RAPGEF5: variants seen among roughly 807,000 people sequenced by gnomAD.
RAPGEF5 encodes the protein M-Ras-regulated GEF.
A neutral mutation model predicts 125.2 loss-of-function variants in RAPGEF5; 65 were observed. The ratio of observed to expected loss-of-function variants is 0.52; its 90% confidence interval spans 0.43 to 0.64. RAPGEF5 has a LOEUF of 0.64. Ranked by LOEUF, RAPGEF5 falls within the 30% of genes least tolerant of loss-of-function variation. The pLI is 0.00. For synonymous variants in RAPGEF5, 391 were observed against 385.9 expected (o/e 1.01, Z -0.16); for missense variants, 958 against 1,048.1 (o/e 0.91, Z 1.19).
At chr7:22,317,847 A>T in intron 2 of RAPGEF5, 140 bp downstream of exon 2, 1 of 1,103,870 alleles carries the variant, frequency 9.1e-7, no homozygotes, top group Non-Finnish European at 1.3e-6. Context: ...CCAGGTGGTG[A>T]AGATAATGTG....
intron 25 of RAPGEF5, among the ~76,000 whole-genome samples, chr7:22,124,248 C>T (rs1300095626): frequency 6.6e-6 from 1 of 152,106 alleles, no homozygotes; most frequent in Non-Finnish European, 1.5e-5. Context: ...TAGCTGAATC[C>T]CCAGTAAACA....
chr7:22,355,275 C>T (rs1784400505), intron 1 of RAPGEF5, among the ~76,000 whole-genome samples: 1 of 152,190 alleles, frequency 6.6e-6, no homozygotes, highest in African/African-American at 2.4e-5. Flanking sequence ...ACGACACCCT[C>T]CCAGGCAGCA....
intron 1 of RAPGEF5, among the ~76,000 whole-genome samples, chr7:22,336,075 C>G (rs1583587832): frequency 6.6e-6 from 1 of 152,152 alleles, no homozygotes; most frequent in African/African-American, 2.4e-5. Context: ...ACTTCTTATT[C>G]CCAATGCCTC....
chr7:22,160,369 T>A (rs1394778089), intron 14 of RAPGEF5, 149 bp downstream of exon 14: 2 of 679,912 alleles, frequency 2.9e-6, no homozygotes, highest in Non-Finnish European at 4.7e-6. Flanking sequence ...GAACAAAACA[T>A]ACAATTTACT....
intron 6 of RAPGEF5, among the ~76,000 whole-genome samples, chr7:22,276,017 A>C (rs1026058097): frequency 1.4e-4 from 21 of 152,230 alleles, no homozygotes; most frequent in African/African-American, 4.8e-4. Flanking sequence ...CTGCTCTTAC[A>C]ACCTCTGATT....
intron 24 of RAPGEF5, among the ~76,000 whole-genome samples, chr7:22,127,991 C>A (rs1782801318): frequency 6.6e-6 from 1 of 152,162 alleles, no homozygotes; most frequent in South Asian, 2.1e-4. Context: ...ATGTATTGTT[C>A]AGTTTCCTTC....
At chr7:22,251,775 C>CAAAA (rs58681076) in intron 7 of RAPGEF5, among the ~76,000 whole-genome samples, 10,463 of 73,130 alleles carry the variant, frequency 0.14, 1,929 homozygotes, top group East Asian at 0.5. Context: ...GTTTCATTGA[C>CAAAA]AAAAAAAAAA....
chr7:22,242,922 A>T (rs777127684), intron 7 of RAPGEF5, among the ~76,000 whole-genome samples: 5 of 147,300 alleles, frequency 3.4e-5, no homozygotes, highest in Non-Finnish European at 6.0e-5. Flanking sequence ...ACTCCAACCT[A>T]GGCAACAAGA....
At chr7:22,317,583 A>G (rs1646907902) in intron 2 of RAPGEF5, among the ~76,000 whole-genome samples, 1 of 152,194 alleles carries the variant, frequency 6.6e-6, no homozygotes, top group Admixed American at 6.5e-5. Flanking sequence ...CTGCAACACA[A>G]TGATAAATAA....
chr7:22,286,492 A>G (rs1782800082), intron 6 of RAPGEF5, among the ~76,000 whole-genome samples: 1 of 152,226 alleles, frequency 6.6e-6, no homozygotes, highest in Non-Finnish European at 1.5e-5. Context: ...GCCTTAAAAA[A>G]CAGAAACAAC....
In RAPGEF5 at chr7:22,278,251, G is replaced by A. The variant is rs17146531; in HGVS notation, c.748-11239C>T. On this transcript the variant is annotated intron_variant, in intron 6 of 25. Coordinates refer to ENST00000665637, the MANE Select transcript of RAPGEF5 (RefSeq NM_012294.5). ...TCTCTCAAGTCTTACGATCTATCTAGAATGTTCTTTTCTTTCCCTTATCTA... is the reference window on the plus strand; with the variant it reads ...TCTCTCAAGTCTTACGATCTATCTAAAATGTTCTTTTCTTTCCCTTATCTA... Among the ~76,000 whole-genome samples, 154 of 152,114 alleles carry A rather than the reference G, an allele frequency of 1.0e-3. 2 individuals are homozygous for A. In the East Asian group the frequency reaches 0.029, roughly 29 times the overall value.
At chr7:22,313,729 A>G (rs1247119474) in intron 3 of RAPGEF5, among the ~76,000 whole-genome samples, 1 of 152,266 alleles carries the variant, frequency 6.6e-6, no homozygotes, top group Non-Finnish European at 1.5e-5. Flanking sequence ...AATAAAATGA[A>G]TACTGTGAGC....
intron 11 of RAPGEF5, among the ~76,000 whole-genome samples, chr7:22,185,644 C>T (rs1410136377): frequency 6.6e-6 from 1 of 152,190 alleles, no homozygotes; most frequent in Non-Finnish European, 1.5e-5. Flanking sequence ...CTAACTTGAG[C>T]ACTTTTTCTC....
intron 5 of RAPGEF5, among the ~76,000 whole-genome samples, chr7:22,300,460 A>G (rs144030921): frequency 1.8e-4 from 28 of 152,304 alleles, no homozygotes; most frequent in Middle Eastern, 3.4e-3. Context: ...TTTTCCTTTG[A>G]CAAATGGTCA....
chr7:22,238,416 G>A (rs568535762), intron 7 of RAPGEF5, among the ~76,000 whole-genome samples: 1 of 152,226 alleles, frequency 6.6e-6, no homozygotes, highest in East Asian at 1.9e-4. Context: ...TAAGGAGAGA[G>A]GTAAAGCACA....
intron 9 of RAPGEF5, among the ~76,000 whole-genome samples, chr7:22,217,012 A>T (rs1346036928): frequency 6.6e-6 from 1 of 152,230 alleles, no homozygotes; most frequent in African/African-American, 2.4e-5. Flanking sequence ...TTGCCTGTGC[A>T]GTAGTGCTAC....
At chr7:22,237,614 C>T (rs1471504178) in intron 7 of RAPGEF5, among the ~76,000 whole-genome samples, 1 of 152,130 alleles carries the variant, frequency 6.6e-6, no homozygotes, top group East Asian at 1.9e-4. Context: ...CATTTCTTCC[C>T]TGCTATATTA....
chr7:22,160,706 TAAG>T (rs368995834), intron 13 of RAPGEF5, 91 bp from the exon 14 acceptor site: 31,809 of 1,372,652 alleles, frequency 0.023, 461 homozygotes, highest in Middle Eastern at 0.056. Context: ...ACACAGGAAA[TAAG>T]GAGGGATTCA....
intron 9 of RAPGEF5, among the ~76,000 whole-genome samples, chr7:22,215,742 C>T (rs1018013225): frequency 2.6e-5 from 4 of 152,160 alleles, no homozygotes; most frequent in East Asian, 1.9e-4. Context: ...AAAGCTCTGG[C>T]CAAATATGTC....
Sources: allele counts gnomAD v4.1 joint callset (sites outside exome capture counted in the v4.1 genomes callset), GRCh38; gene constraint gnomAD v4.1.1; transcripts MANE v1.5; gene names NCBI Gene and HGNC (gene_info 2026-07-23, HGNC 2026-07-21).